Variants in P4HA3 observed in about 807,000 individuals in gnomAD.
The protein encoded by P4HA3 is prolyl 4-hydroxylase subunit alpha 3, also known as prolyl 4-hydroxylase subunit alpha-3.
A neutral mutation model predicts 66.7 loss-of-function variants in P4HA3; 60 were observed. The observed-to-expected ratio is 0.90, with a 90% CI of 0.73 to 1.12. The LOEUF is 1.12. Ranked by LOEUF, P4HA3 falls within the 50% of genes most tolerant of loss-of-function variation. P4HA3 has a pLI of 0.00. For synonymous variants in P4HA3, 263 were observed against 274.6 expected (o/e 0.96, Z 0.42); for missense variants, 683 against 685.8 (o/e 1.00, Z 0.05).
At chr11:74,272,685 A>G (rs1860247205) in intron 10 of P4HA3, among the ~76,000 whole-genome samples, 1 of 152,222 alleles carries the variant, frequency 6.6e-6, no homozygotes, top group Non-Finnish European at 1.5e-5. Context: ...GTCCTAATAG[A>G]AGAGGAAAAG....
intron 4 of P4HA3, among the ~76,000 whole-genome samples, chr11:74,292,751 C>A (rs569441322): frequency 6.6e-6 from 1 of 152,146 alleles, no homozygotes; most frequent in East Asian, 1.9e-4. Flanking sequence ...TGTAGTTGAG[C>A]GGTTTTGAGT....
intron 14 of P4HA3, among the ~76,000 whole-genome samples, chr11:74,260,742 A>G (rs1461311218): frequency 6.6e-6 from 1 of 152,184 alleles, no homozygotes; most frequent in African/African-American, 2.4e-5. Flanking sequence ...AATTGCAGTT[A>G]CTTTTGCATC....
intron 7 of P4HA3, among the ~76,000 whole-genome samples, chr11:74,281,238 G>A (rs1189145229): frequency 6.6e-6 from 1 of 151,018 alleles, no homozygotes; most frequent in Non-Finnish European, 1.5e-5. Flanking sequence ...GTGCTGGAGA[G>A]GATGTGGAGA....
intron 9 of P4HA3, among the ~76,000 whole-genome samples, chr11:74,275,489 G>A (rs1181488912): frequency 6.6e-6 from 1 of 152,178 alleles, no homozygotes; most frequent in Non-Finnish European, 1.5e-5. Context: ...GATCATAAAT[G>A]TGTTGGTTTG....
At chr11:74,295,556 C>A (rs1329823406) in intron 4 of P4HA3, among the ~76,000 whole-genome samples, 5 of 152,118 alleles carry the variant, frequency 3.3e-5, no homozygotes, top group Non-Finnish European at 7.4e-5. Flanking sequence ...AATTACTACA[C>A]CAAAATCCAG....
At chr11:74,255,021 C>T (rs1272953919) in intron 15 of P4HA3, among the ~76,000 whole-genome samples, 2 of 152,172 alleles carry the variant, frequency 1.3e-5, no homozygotes, top group South Asian at 2.1e-4. Flanking sequence ...ACTTCATCTA[C>T]AACCCAAATC....
chr11:74,286,262 G>T lies in P4HA3; in HGVS notation c.899C>A (p.Thr300Asn). ...CAGGGTCTGACATAGCCCCTCGTAG[G>T]TGTCTCTGGTCTGCAGGTGGGGTAT... Reference protein sequence around the residue: ...PNIPHLQTRDTYEGLCQTLGS... With the variant: ...PNIPHLQTRDNYEGLCQTLGS... The change falls in exon 6 of 13, where the codon ACC becomes AAC. Residue 300 changes from threonine to asparagine, a missense_variant. Thr to Asn is a moderately conservative substitution (Grantham distance 65). Transcript: ENST00000331597. 1 of 1,613,036 alleles carries T rather than the reference G, an allele frequency of 6.2e-7. No individual in the cohort carries two copies. Among genetic ancestry groups the T allele is most frequent in the Non-Finnish European group, 8.5e-7 (1 of 1,179,716 alleles).
rs1476766539 is a variant in P4HA3, at chr11:74,268,208, T to C, written c.1501A>G (p.Ser501Gly). The C allele has an allele frequency of 1.2e-6, 2 of 1,613,780 alleles. No individual in the cohort carries two copies. The highest frequency in any genetic ancestry group is 1.7e-5 in the Admixed American group (1 of 59,998). The change falls in exon 12 of 13, where the codon AGT becomes GGT. Residue 501 changes from serine to glycine, a missense_variant. Coordinates refer to ENST00000331597, the MANE Select transcript of P4HA3 (RefSeq NM_182904.5). Reference sequence around the variant, plus strand: ...AGTGTGTCACTGTCCCCTTCACCACTCCTGTGCAGGTTCCACCAAAACAGT... The same window carrying C: ...AGTGTGTCACTGTCCCCTTCACCACCCCTGTGCAGGTTCCACCAAAACAGT... ...AALFWWNLHRSGEGDSDTLHA... is the reference protein window; with the variant it reads ...AALFWWNLHRGGEGDSDTLHA...
intron 15 of P4HA3, among the ~76,000 whole-genome samples, chr11:74,257,066 G>T (rs992653264): frequency 6.6e-6 from 1 of 152,174 alleles, no homozygotes; most frequent in Middle Eastern, 3.2e-3. Context: ...AAGAAGGTTG[G>T]GGGTGGGCAG....
intron 15 of P4HA3, chr11:74,250,661 C>G (rs1470996742): frequency 1.3e-5 from 4 of 312,668 alleles, no homozygotes; most frequent in East Asian, 1.1e-4. Context: ...GTGTTTTACT[C>G]CCCTACTGGA....
chr11:74,284,752 G>T (rs563256773), intron 7 of P4HA3, among the ~76,000 whole-genome samples: 10 of 152,162 alleles, frequency 6.6e-5, no homozygotes, highest in South Asian at 2.1e-4. Context: ...TCTGGTTTGT[G>T]GCTCTCCCAG....
chr11:74,261,233 A>G (rs531456795), intron 14 of P4HA3, among the ~76,000 whole-genome samples: 3 of 152,132 alleles, frequency 2.0e-5, no homozygotes, highest in East Asian at 1.9e-4. Context: ...TGGTTTCTCT[A>G]TCTCTCTCTG....
intron 9 of P4HA3, among the ~76,000 whole-genome samples, chr11:74,276,731 G>A (rs1259321085): frequency 6.6e-6 from 1 of 152,152 alleles, no homozygotes; most frequent in Non-Finnish European, 1.5e-5. Flanking sequence ...CCTGAGTGGA[G>A]CAGTCCGATG....
chr11:74,273,753 C>T (rs1860289472), intron 9 of P4HA3, 146 bp from the exon 10 acceptor site: 1 of 528,880 alleles, frequency 1.9e-6, no homozygotes, highest in Non-Finnish European at 2.9e-6. Flanking sequence ...GAGTATGTGC[C>T]CGTCTTTGCT....
chr11:74,310,078 G>A (rs1861686482), intron 1 of P4HA3, among the ~76,000 whole-genome samples: 1 of 152,164 alleles, frequency 6.6e-6, no homozygotes, highest in Non-Finnish European at 1.5e-5. Context: ...GCATTGTGCT[G>A]TCTTTGCTCA....
chr11:74,285,741 T>C, intron 7 of P4HA3, 68 bp downstream of exon 7: 14 of 1,515,844 alleles, frequency 9.2e-6, no homozygotes, highest in Non-Finnish European at 1.1e-5. Flanking sequence ...TTGCCTATTC[T>C]TACACTCCTG....
chr11:74,305,857 C>A (rs1861564966), intron 1 of P4HA3, among the ~76,000 whole-genome samples: 1 of 152,140 alleles, frequency 6.6e-6, no homozygotes, highest in African/African-American at 2.4e-5. Flanking sequence ...AGGAAATAAT[C>A]TTGGTCTCAA....
At chr11:74,263,111 A>G (rs1443569528), downstream of P4HA3, among the ~76,000 whole-genome samples, 1 of 152,256 alleles carries the variant, frequency 6.6e-6, no homozygotes, top group Non-Finnish European at 1.5e-5. Context: ...TAGGATGAGC[A>G]GCACACAGCT....
At chr11:74,259,189 G>C (rs931422967) in intron 15 of P4HA3, among the ~76,000 whole-genome samples, 1 of 152,190 alleles carries the variant, frequency 6.6e-6, no homozygotes, top group African/African-American at 2.4e-5. Flanking sequence ...GTGAGGCTTG[G>C]CCAACATGGC....
Sources: allele counts gnomAD v4.1 joint callset (sites outside exome capture counted in the v4.1 genomes callset), GRCh38; gene constraint gnomAD v4.1.1; transcripts MANE v1.5; gene names NCBI Gene and HGNC (gene_info 2026-07-23, HGNC 2026-07-21).